The following AHRR variants were observed in gnomAD, a reference collection of about 807,000 sequenced individuals.
AHRR encodes the protein aryl hydrocarbon receptor repressor.
Under a neutral mutation model 44.0 loss-of-function variants are expected in AHRR, and 28 were observed. The ratio of observed to expected loss-of-function variants is 0.64; its 90% CI spans 0.47 to 0.87. AHRR has a LOEUF of 0.87. AHRR is among the 40% of genes least tolerant of loss of function. The probability of loss-of-function intolerance (pLI) is 0.00; values close to 1 mark genes in which losing one functional copy is unlikely to be tolerated. For missense variants in AHRR, 990 were observed against 953.9 expected, an observed-to-expected ratio of 1.04 and a Z score of -0.50; for synonymous variants, 434 against 407.0, an observed-to-expected ratio of 1.07 and a Z score of -0.80.
rs759802121 is a variant in AHRR at position 413,387 on chromosome 5, T to C, written c.395T>C (p.Ile132Thr). 1 of 1,614,060 alleles carries C rather than the reference T, an allele frequency of 6.2e-7. No homozygotes were observed. Among genetic ancestry groups the C allele is most frequent in the Non-Finnish European group, 8.5e-7 (1 of 1,179,948 alleles). ...FALVVSAEGT[I>T]FYASATIVDY... is the part of the protein sequence containing the mutation. Reference sequence around the variant, plus strand: ...CTGGTCGTGAGTGCAGAAGGGACGATATTTTATGCATCAGCAACGATCGTG... The same window carrying C: ...CTGGTCGTGAGTGCAGAAGGGACGACATTTTATGCATCAGCAACGATCGTG... Residue 132 changes from isoleucine to threonine, a missense_variant, in exon 5 of 11, where the codon ATA (isoleucine) becomes ACA (threonine). Transcript: ENST00000684583.
rs370755723 is a variant in AHRR at position 434,099 on chromosome 5, G to A, written c.1359G>A (p.Pro453=). Residue 453 remains proline, a synonymous_variant, in exon 11 of 11, where the codon CCG becomes CCA. Transcript: ENST00000684583. ...GGAACTCGCCCATCTCTCACCCGCC[G>A]AGCCCGTCCCCCAGTGCCTACTCCA... ...TFRNSPISHP[P]SPSPSAYSSR... 55 of 1,612,872 alleles carry A rather than the reference G, an allele frequency of 3.4e-5. No homozygotes were observed. Among genetic ancestry groups the A allele is most frequent in the African/African-American group, 6.7e-5 (5 of 74,888 alleles).
chr5:340,699 T>TA (rs1560881686), intron 1 of AHRR, among the ~76,000 whole-genome samples: 1 of 77,278 alleles, frequency 1.3e-5, no homozygotes, highest in African/African-American at 5.0e-5. Flanking sequence ...TTTTTTTTTT[T>TA]TTTTTTTTTT....
At position 388,112 on chromosome 5, in the gene AHRR, A is replaced by G. The variant is rs567368558; in HGVS notation, c.351+11396A>G. On this transcript the variant is annotated intron_variant, in intron 4 of 10. Coordinates refer to ENST00000684583, the MANE Select transcript of AHRR (RefSeq NM_001377236.1). The surrounding 1 kb of genome is among the most constrained non-coding windows in gnomAD (Gnocchi z 5.2). ...ATCCGCCACTGTCCTATGTCCCAAT[A>G]CAGGAAGGTCACATTCATGGGTTTG... Among the ~76,000 whole-genome samples, 57 of 152,274 alleles carry G rather than the reference A, an allele frequency of 3.7e-4. No individual in the cohort carries two copies. In the South Asian group the frequency reaches 0.012, roughly 31 times the overall value.
chr5:361,022 C>T (rs192210012), intron 3 of AHRR, among the ~76,000 whole-genome samples: 4 of 152,200 alleles, frequency 2.6e-5, no homozygotes, highest in Admixed American at 6.5e-5. Flanking sequence ...GAGGCTGAGG[C>T]GGGTGATCAC....
intron 4 of AHRR, among the ~76,000 whole-genome samples, chr5:407,276 G>A (rs895982969): frequency 1.3e-5 from 2 of 152,308 alleles, no homozygotes; most frequent in Middle Eastern, 3.4e-3. Flanking sequence ...GGCATCTTTA[G>A]GATGTTGACT....
intron 1 of AHRR, among the ~76,000 whole-genome samples, chr5:331,271 A>G (rs548872425): frequency 1.3e-5 from 2 of 152,258 alleles, no homozygotes; most frequent in South Asian, 4.1e-4. Flanking sequence ...TTCCTGGTTC[A>G]GTCTTGGGAG....
At chr5:423,818 C>A in intron 6 of AHRR, 23 bp from the exon 7 acceptor site, 1 of 1,579,804 alleles carries the variant, frequency 6.3e-7, no homozygotes, top group Non-Finnish European at 8.6e-7. Context: ...ACCGCCACGC[C>A]CCTTGGCCCC....
rs1255727919 is a variant in AHRR, at chr5:344,405, TGC to T, written c.62+443_62+444del. On this transcript the variant is annotated intron_variant, in intron 2 of 10. Coordinates refer to ENST00000684583, the MANE Select transcript of AHRR (RefSeq NM_001377236.1). ...CTGTGTGTCTGCGGGTGGGGAGGGC[TGC>T]GGGGGTGTGTGCGGTATGTGTGAGG... is the stretch of plus-strand genomic sequence containing the variant. Among the ~76,000 whole-genome samples the T allele has an allele frequency of 6.9e-3, 221 of 32,254 alleles. 7 individuals are homozygous for T. The highest frequency in any genetic ancestry group is 0.013 in the Middle Eastern group (1 of 76). 21.2% of individuals were successfully genotyped at this position (32,254 alleles called of 152,430 possible).
In AHRR at chr5:401,755, A is replaced by C. The variant is rs1735023770; in HGVS notation, c.352-11589A>C. On this transcript the variant is annotated intron_variant, in intron 4 of 10. Coordinates refer to ENST00000684583, the MANE Select transcript of AHRR (RefSeq NM_001377236.1). ...CCAGGTAGGGATTGCAGAGAAGAGC[A>C]AAGTGTCGTGAAGTGATTTCAGCCT... 2.0e-5 allele frequency among the ~76,000 whole-genome samples: 3 copies of C among 152,218 alleles called. No individual in the cohort carries two copies. The South Asian group carries it at 6.2e-4, about 31-fold the overall frequency.
At chr5:400,654 G>A (rs1398171529) in intron 4 of AHRR, among the ~76,000 whole-genome samples, 2 of 152,150 alleles carry the variant, frequency 1.3e-5, no homozygotes, top group Admixed American at 6.5e-5. Context: ...GCCCACATGT[G>A]TAAAAGTATT....
intron 5 of AHRR, among the ~76,000 whole-genome samples, chr5:414,322 TG>T (rs1278626725): frequency 6.6e-6 from 1 of 152,110 alleles, no homozygotes; most frequent in Non-Finnish European, 1.5e-5. Context: ...GCAACGGAGC[TG>T]TTTTTTTTGT....
intron 4 of AHRR, among the ~76,000 whole-genome samples, chr5:391,221 G>C (rs1030829841): frequency 6.6e-6 from 1 of 152,246 alleles, no homozygotes; most frequent in Non-Finnish European, 1.5e-5. Flanking sequence ...CAGGCAGAGT[G>C]GAGGATTCAG....
intron 5 of AHRR, among the ~76,000 whole-genome samples, chr5:417,058 T>C (rs939582330): frequency 4.0e-5 from 6 of 149,772 alleles, no homozygotes; most frequent in African/African-American, 1.2e-4. Flanking sequence ...TTGGTCTGTA[T>C]GTGCAGGGCC....
In AHRR at chr5:337,565, G is replaced by T. The variant is rs2672748; in HGVS notation, c.-10-6328G>T. 0.5 allele frequency among the ~76,000 whole-genome samples: 75,474 copies of T among 151,980 alleles called. 20,748 individuals carry two copies. The highest frequency in any genetic ancestry group is 0.63 in the Non-Finnish European group (42,490 of 67,958). ...GGCTAATTTTTAAAAATTATTTTCT[G>T]TAGAGATGAGGTCTCACTGTGTTGG... On this transcript the variant is annotated intron_variant, in intron 1 of 10. Coordinates refer to ENST00000684583, the MANE Select transcript of AHRR (RefSeq NM_001377236.1). The surrounding 1 kb of genome is among the most constrained non-coding windows in gnomAD (Gnocchi z 4.1).
At chr5:373,904 G>C (rs1225308193) in intron 3 of AHRR, among the ~76,000 whole-genome samples, 1 of 150,924 alleles carries the variant, frequency 6.6e-6, no homozygotes, top group African/African-American at 2.4e-5. Flanking sequence ...ATCGCGTGAC[G>C]GCGCCGGCGG....
At position 330,319 on chromosome 5, in the gene AHRR, T is replaced by G. The variant is rs190158871; in HGVS notation, c.-11+8500T>G. ...CTTGTATCCCTGATACAAAGCCTAC[T>G]TGATTGTGGTATATTATCTTTCTGA... On this transcript the variant is annotated intron_variant, in intron 1 of 10. Transcript: ENST00000684583. Among the ~76,000 whole-genome samples the G allele has an allele frequency of 1.6e-3, 241 of 152,314 alleles. 1 individual carries two copies. The highest frequency in any genetic ancestry group is 6.2e-4 in the Non-Finnish European group (42 of 68,018).
chr5:324,396 T>C (rs897110912), intron 1 of AHRR, among the ~76,000 whole-genome samples: 6 of 151,236 alleles, frequency 4.0e-5, no homozygotes, highest in Non-Finnish European at 5.9e-5. Context: ...CGATGAGTTA[T>C]AGCCAAAGGT....
chr5:425,389 C>G (rs757809293), intron 7 of AHRR, among the ~76,000 whole-genome samples: 5 of 152,216 alleles, frequency 3.3e-5, no homozygotes, highest in Non-Finnish European at 7.3e-5. Flanking sequence ...GCAATCTCGG[C>G]TCACTGCAAG....
At chr5:347,066 T>A (rs1244262078) in intron 2 of AHRR, among the ~76,000 whole-genome samples, 1 of 152,170 alleles carries the variant, frequency 6.6e-6, no homozygotes, top group African/African-American at 2.4e-5. Flanking sequence ...AGGGTTAGAG[T>A]CCCTCATCAG....
Sources: gnomAD v4.1 joint callset for allele counts (sites outside exome capture counted in the v4.1 genomes callset) on GRCh38, gnomAD v4.1.1 for gene constraint, Gnocchi (gnomAD v3.1) non-coding constraint, MANE v1.5 for transcripts, NCBI Gene and HGNC (gene_info 2026-07-23, HGNC 2026-07-21) for gene names.